Variants in USP8 observed in about 807,000 individuals in gnomAD.
The protein encoded by USP8 is ubiquitin carboxyl-terminal hydrolase 8.
A neutral mutation model predicts 130.0 loss-of-function variants in USP8; 27 were observed. That is an observed-to-expected ratio of 0.21 (90% CI 0.15 to 0.29). The LOEUF (loss-of-function observed/expected upper bound fraction) is 0.29. USP8 is among the 10% of genes least tolerant of loss of function. The pLI is 1.00. For missense variants in USP8, 1,029 were observed against 1,312.2 expected (o/e 0.78, Z 3.33); for synonymous variants, 392 against 444.1 (o/e 0.88, Z 1.48).
At position 50,513,498 on chromosome 15, in the gene USP8, G is replaced by A. The variant is rs530288143; in HGVS notation, c.*14410G>A. On this transcript the variant is annotated 3_prime_UTR_variant, in exon 20 of 20. Transcript: ENST00000307179. Reference sequence around the variant, plus strand: ...GTGGATCACCTGAGGTCATGAGTTCGAGACAAGAGCGAAACTGTCTAAAAA... The same window carrying A: ...GTGGATCACCTGAGGTCATGAGTTCAAGACAAGAGCGAAACTGTCTAAAAA... The A allele has an allele frequency of 6.5e-5, 9 of 138,594 alleles. No homozygotes were observed. The highest frequency in any genetic ancestry group is 1.5e-4 in the Admixed American group (2 of 12,998). 8.6% of individuals were successfully genotyped at this position (138,594 alleles called of 1,614,324 possible). A position where few individuals can be genotyped will look rare whatever the true frequency, so the allele number is the denominator to read the frequency against.
chr15:50,486,887 C>G (rs1478264558), intron 12 of USP8, among the ~76,000 whole-genome samples: 2 of 152,008 alleles, frequency 1.3e-5, no homozygotes, highest in East Asian at 3.9e-4. Flanking sequence ...AATCCCAACA[C>G]TTTGGGAGGC....
In USP8 at chr15:50,481,978, GA is replaced by G; in HGVS notation, c.1720del (p.Arg574GlyfsTer20). The G allele has an allele frequency of 7.5e-6, 12 of 1,596,730 alleles. No homozygotes were observed. The highest frequency in any genetic ancestry group is 5.5e-5 in the Admixed American group (3 of 54,266). On this transcript the variant is annotated frameshift_variant, in exon 11 of 20. Transcript: ENST00000307179. LOFTEE classifies it high-confidence loss of function. ...CCAAGAAATCTGTAGAAGATAGGGG[GA>G]AAAGGTGTCCAACCCCAGAAATACA... ...DAKKSVEDRG[K>X]RCPTPEIQKK... is the part of the protein sequence containing the mutation.
At chr15:50,436,158 C>G (rs1009973075) in intron 1 of USP8, among the ~76,000 whole-genome samples, 4 of 152,116 alleles carry the variant, frequency 2.6e-5, no homozygotes, top group African/African-American at 9.7e-5. Context: ...GCTTTAGTAA[C>G]ATTCAAGGCC....
chr15:50,499,068 G>GTAAC lies in USP8; in HGVS notation c.3339_3342dup (p.Asp1115AsnfsTer2). 6.2e-7 allele frequency: 1 copy of GTAAC among 1,610,186 alleles called. No individual in the cohort carries two copies. The highest frequency in any genetic ancestry group is 8.5e-7 in the Non-Finnish European group (1 of 1,178,122). ...CTTTTATACTTCATTGGGACCACGAGTAACTGATGTAGCCACATAAGGAGA... is the reference window on the plus strand; with the variant it reads ...CTTTTATACTTCATTGGGACCACGAGTAACTAACTGATGTAGCCACATAAGGAGA... On this transcript the variant is annotated frameshift_variant, in exon 20 of 20. Coordinates refer to ENST00000307179, the MANE Select transcript of USP8 (RefSeq NM_005154.5). LOFTEE classifies it high-confidence loss of function.
In USP8 at chr15:50,512,823, A is replaced by G. The variant is rs1449153247; in HGVS notation, c.*13735A>G. 6.6e-6 allele frequency: 1 copy of G among 152,104 alleles called. No homozygotes were observed. Among genetic ancestry groups the G allele is most frequent in the Admixed American group, 6.6e-5 (1 of 15,218 alleles). 9.4% of individuals were successfully genotyped at this position (152,104 alleles called of 1,614,324 possible). A position where few individuals can be genotyped will look rare whatever the true frequency, so the allele number is the denominator to read the frequency against. ...AAACAAAACAAAAACAACAAAAAACACAACTGAACACATTTAAGGTGAATT... is the reference window on the plus strand; with the variant it reads ...AAACAAAACAAAAACAACAAAAAACGCAACTGAACACATTTAAGGTGAATT... On this transcript the variant is annotated 3_prime_UTR_variant, in exon 20 of 20. Coordinates refer to ENST00000307179, the MANE Select transcript of USP8 (RefSeq NM_005154.5).
intron 3 of USP8, among the ~76,000 whole-genome samples, chr15:50,441,946 T>C (rs1020552190): frequency 4.6e-5 from 7 of 150,898 alleles, no homozygotes; most frequent in Non-Finnish European, 1.5e-5. Context: ...GTTTGCAAAA[T>C]TGATACTGAT....
intron 2 of USP8, among the ~76,000 whole-genome samples, chr15:50,439,722 G>A (rs1015613990): frequency 6.6e-5 from 10 of 151,442 alleles, no homozygotes; most frequent in South Asian, 2.1e-4. Flanking sequence ...CCCGGGAGGC[G>A]GAGGTTTCGG....
In USP8 at chr15:50,496,114, T is replaced by G. The variant is rs200641784; in HGVS notation, c.2895+30T>G. 13 of 1,524,478 alleles carry G rather than the reference T, an allele frequency of 8.5e-6. No individual in the cohort carries two copies. In the East Asian group the frequency reaches 2.9e-4, roughly 34 times the overall value. The allele number at this position is 1,524,478 out of a possible 1,614,324, so 94.4% of individuals were successfully genotyped here. On this transcript the variant is annotated intron_variant, in intron 17 of 19. Coordinates refer to ENST00000307179, the MANE Select transcript of USP8 (RefSeq NM_005154.5). ...GTTTAAGAAGTAGAGAGAAAATGAT[T>G]TATTGGATAAAAATGCTGTTTTTAT...
chr15:50,487,833 A>G (rs2141313568), intron 12 of USP8, among the ~76,000 whole-genome samples: 1 of 152,334 alleles, frequency 6.6e-6, no homozygotes, highest in African/African-American at 2.4e-5. Context: ...TGTCTCTAGC[A>G]CTGTGCTAAA....
At chr15:50,433,982 G>A (rs983547299) in intron 1 of USP8, among the ~76,000 whole-genome samples, 2 of 152,066 alleles carry the variant, frequency 1.3e-5, no homozygotes, top group East Asian at 1.9e-4. Flanking sequence ...TAAGGCTGAA[G>A]TTCTTTGTCA....
At chr15:50,477,547 A>T in intron 10 of USP8, 48 bp downstream of exon 10, 2 of 1,523,544 alleles carry the variant, frequency 1.3e-6, no homozygotes, top group South Asian at 2.4e-5. Flanking sequence ...TTAATATTAA[A>T]TATATAGTAT....
chr15:50,474,411 G>A (rs555353047), intron 8 of USP8, among the ~76,000 whole-genome samples: 7 of 152,184 alleles, frequency 4.6e-5, no homozygotes, highest in South Asian at 2.1e-4. Context: ...TGAGAAAGTC[G>A]GTCTTAAAAG....
Position 50,500,918 on chromosome 15 carries a change from G to A in USP8, c.*1830G>A. 1 of 1,179,926 alleles carries A rather than the reference G, an allele frequency of 8.5e-7. No individual in the cohort carries two copies. The highest frequency in any genetic ancestry group is 1.2e-6 in the Non-Finnish European group (1 of 814,408). 73.1% of individuals were successfully genotyped at this position (1,179,926 alleles called of 1,614,324 possible). A position where few individuals can be genotyped will look rare whatever the true frequency, so the allele number is the denominator to read the frequency against. ...AACAGAAATGATAGGGCCAAGAGAT[G>A]CTTTTTAAATTGTCCCTTATTCTAA... On this transcript the variant is annotated 3_prime_UTR_variant, in exon 20 of 20. Coordinates refer to ENST00000307179, the MANE Select transcript of USP8 (RefSeq NM_005154.5).
At chr15:50,437,858 G>T (rs2050135975) in intron 1 of USP8, among the ~76,000 whole-genome samples, 1 of 152,182 alleles carries the variant, frequency 6.6e-6, no homozygotes, top group Non-Finnish European at 1.5e-5. Flanking sequence ...CAGGACCCAG[G>T]GTGGATGGTA....
At position 50,500,286 on chromosome 15, in the gene USP8, G is replaced by C. The variant is rs564044875; in HGVS notation, c.*1198G>C. On this transcript the variant is annotated 3_prime_UTR_variant, in exon 20 of 20. Coordinates refer to ENST00000307179, the MANE Select transcript of USP8 (RefSeq NM_005154.5). ...TATTCTTAAACTCATCGAGCCATTT[G>C]AACAAAAATTATTTTTGTTTAGCTT... The C allele has an allele frequency of 6.5e-5, 10 of 153,598 alleles. No individual in the cohort carries two copies. In the East Asian group the frequency reaches 1.9e-3, roughly 29 times the overall value. The allele number at this position is 153,598 out of a possible 1,614,324, so 9.5% of individuals were successfully genotyped here. A position where few individuals can be genotyped will look rare whatever the true frequency, so the allele number is the denominator to read the frequency against.
chr15:50,480,473 T>TC (rs2051724923), intron 10 of USP8, among the ~76,000 whole-genome samples: 5 of 152,150 alleles, frequency 3.3e-5, no homozygotes, highest in Admixed American at 2.6e-4. Flanking sequence ...TAGAGAAGAA[T>TC]AAAGTATTAT....
chr15:50,468,826 C>T (rs1291227243), intron 7 of USP8, among the ~76,000 whole-genome samples: 1 of 152,046 alleles, frequency 6.6e-6, no homozygotes, highest in African/African-American at 2.4e-5. Context: ...CGAAGTACTC[C>T]TGTCTTAAGT....
intron 14 of USP8, among the ~76,000 whole-genome samples, chr15:50,491,709 A>G (rs904778708): frequency 9.2e-5 from 14 of 151,690 alleles, no homozygotes; most frequent in Admixed American, 4.0e-4. Flanking sequence ...CAGTTCTAGT[A>G]GTTCCACATA....
chr15:50,433,846 C>T (rs1448470428), intron 1 of USP8, among the ~76,000 whole-genome samples: 1 of 152,134 alleles, frequency 6.6e-6, no homozygotes, highest in Non-Finnish European at 1.5e-5. Context: ...ACCTCGTGAT[C>T]CGCCCGCCTT....
Sources: gnomAD v4.1 joint callset for allele counts (sites outside exome capture counted in the v4.1 genomes callset) on GRCh38, gnomAD v4.1.1 for gene constraint, MANE v1.5 for transcripts, NCBI Gene and HGNC (gene_info 2026-07-23, HGNC 2026-07-21) for gene names.